TRIM61: variants seen among roughly 807,000 people sequenced by gnomAD.
TRIM61 encodes the protein tripartite motif containing 61.
Under a neutral mutation model 14.2 loss-of-function variants are expected in TRIM61, and 1 was observed. The ratio of observed to expected loss-of-function variants is 0.07; its 90% confidence interval spans 0.03 to 0.33. The LOEUF is 0.33. Ranked by LOEUF, TRIM61 falls within the 10% of genes least tolerant of loss-of-function variation. The pLI, the probability that TRIM61 is intolerant of heterozygous loss-of-function variation, is 0.99. For missense variants in TRIM61, 19 were observed against 202.2 expected, an observed-to-expected ratio of 0.09 and a Z score of 5.49; for synonymous variants, 8 against 71.6, an observed-to-expected ratio of 0.11 and a Z score of 4.49.
chr4:164,962,247 G>T (rs1161110249), intron 3 of TRIM61, among the ~76,000 whole-genome samples: 2 of 143,348 alleles, frequency 1.4e-5, no homozygotes, highest in Admixed American at 7.1e-5. Context: ...TTTTGAGACA[G>T]TGTTGCTCTG....
intron 3 of TRIM61, among the ~76,000 whole-genome samples, chr4:164,965,576 G>A (rs1732222524): frequency 6.6e-6 from 1 of 150,968 alleles, no homozygotes; most frequent in Non-Finnish European, 1.5e-5. Context: ...TGGGACTACA[G>A]GTGCATGCCA....
intron 3 of TRIM61, among the ~76,000 whole-genome samples, chr4:164,961,204 TAAC>T (rs1483307495): frequency 2.2e-4 from 13 of 60,080 alleles, no homozygotes; most frequent in Admixed American, 9.5e-4. Context: ...GAAAGAAAAA[TAAC>T]AATAATTGAT....
intron 3 of TRIM61, chr4:164,958,265 CAT>C (rs1439472587): frequency 6.0e-6 from 1 of 167,056 alleles, no homozygotes; most frequent in Non-Finnish European, 1.5e-5. Flanking sequence ...AATTACACTA[CAT>C]AGAGTGGCAA....
chr4:164,961,981 C>T (rs1029554369), intron 3 of TRIM61, among the ~76,000 whole-genome samples: 2 of 152,138 alleles, frequency 1.3e-5, no homozygotes, highest in Non-Finnish European at 2.9e-5. Context: ...GGCTATAAAC[C>T]TGTACAGCAC....
intron 3 of TRIM61, chr4:164,957,165 C>G (rs1478088551): frequency 3.1e-6 from 5 of 1,611,684 alleles, no homozygotes; most frequent in African/African-American, 2.7e-5. Flanking sequence ...AGACCTTATA[C>G]GCTGACCGGC....
At chr4:164,976,465 TTTAA>T (rs1412131878) in intron 2 of TRIM61, among the ~76,000 whole-genome samples, 2 of 152,182 alleles carry the variant, frequency 1.3e-5, no homozygotes, top group African/African-American at 2.4e-5. Flanking sequence ...TTCTCTACTA[TTTAA>T]AATCAGGACA....
At chr4:164,965,118 T>A (rs1354771854) in intron 3 of TRIM61, among the ~76,000 whole-genome samples, 1 of 152,010 alleles carries the variant, frequency 6.6e-6, no homozygotes, top group African/African-American at 2.4e-5. Flanking sequence ...TGAAACCCCG[T>A]CTCTACTAAA....
Position 164,969,811 on chromosome 4 carries a change from T to C in TRIM61, c.192A>G (p.Lys64=), listed in dbSNP as rs1732322125. The C allele has an allele frequency of 1.2e-6, 2 of 1,613,886 alleles. No individual in the cohort carries two copies. The highest frequency in any genetic ancestry group is 2.7e-5 in the African/African-American group (2 of 74,948). Residue 64 remains lysine (K), a synonymous_variant, in exon 3 of 5, where the codon AAA becomes AAG. Coordinates refer to ENST00000329314, the MANE Select transcript of TRIM61 (RefSeq NM_001012414.3). ...TACCCAGCTGGGGATTGCTTATAAA[T>C]TTCCTTTCTGGACAGCAAAAGTGGC...
chr4:164,962,627 G>T (rs1435605431), intron 3 of TRIM61, among the ~76,000 whole-genome samples: 2 of 148,710 alleles, frequency 1.3e-5, no homozygotes, highest in South Asian at 2.1e-4. Context: ...AATCAATGTC[G>T]AAATGCTTAG....
intron 3 of TRIM61, chr4:164,957,041 C>A: frequency 6.7e-7 from 1 of 1,498,812 alleles, no homozygotes; most frequent in Non-Finnish European, 8.9e-7. Flanking sequence ...ATGCGCGGTG[C>A]GGCGGGGCAG....
chr4:164,955,535 G>A (rs1731964623), intron 3 of TRIM61, among the ~76,000 whole-genome samples: 1 of 132,648 alleles, frequency 7.5e-6, no homozygotes, highest in Admixed American at 8.9e-5. Context: ...TGCCACTGCA[G>A]TCCAGCCTGG....
At chr4:164,957,327 G>A in intron 3 of TRIM61, 1 of 1,614,106 alleles carries the variant, frequency 6.2e-7, no homozygotes, top group African/African-American at 1.3e-5. Context: ...TTTAGTGGCA[G>A]CATTCCGGCT....
chr4:164,968,674 A>G, intron 3 of TRIM61: 1 of 985,476 alleles, frequency 1.0e-6, no homozygotes, highest in African/African-American at 1.7e-5. Flanking sequence ...CTGTAAAATT[A>G]TCATTAAAAG....
chr4:164,957,525 A>G (rs1732039755), intron 3 of TRIM61: 2 of 1,573,692 alleles, frequency 1.3e-6, no homozygotes, highest in Non-Finnish European at 1.7e-6. Context: ...AGAAGCTCAC[A>G]GGGGACATCT....
At chr4:164,956,864 C>G in intron 3 of TRIM61, 1 of 711,816 alleles carries the variant, frequency 1.4e-6, no homozygotes, top group South Asian at 1.9e-5. Context: ...AGCACTGCAG[C>G]GTTTCTCCCA....
chr4:164,957,318 T>A (rs1288456995), intron 3 of TRIM61: 3 of 1,613,998 alleles, frequency 1.9e-6, no homozygotes, highest in Non-Finnish European at 2.5e-6. Context: ...GAGAGGAATT[T>A]TAGTGGCAGC....
intron 3 of TRIM61, 37 bp downstream of exon 3, chr4:164,968,244 A>C (rs1470047706): frequency 2.0e-6 from 2 of 980,290 alleles, no homozygotes; most frequent in Non-Finnish European, 2.4e-6. Flanking sequence ...CCTTTAATAA[A>C]GACTTAATCT....
chr4:164,967,640 C>T (rs1178036623), intron 3 of TRIM61, among the ~76,000 whole-genome samples: 1 of 151,962 alleles, frequency 6.6e-6, no homozygotes, highest in Admixed American at 6.6e-5. Flanking sequence ...TAAGGCAATA[C>T]TAACAAAGGC....
chr4:164,972,206 A>G (rs1485283897), intron 2 of TRIM61, among the ~76,000 whole-genome samples: 1 of 152,196 alleles, frequency 6.6e-6, no homozygotes, highest in Non-Finnish European at 1.5e-5. Context: ...TGGCTCAGCT[A>G]TTGACTGTGT....
Sources: allele counts gnomAD v4.1 joint callset (sites outside exome capture counted in the v4.1 genomes callset), GRCh38; gene constraint gnomAD v4.1.1; transcripts MANE v1.5; gene names NCBI Gene and HGNC (gene_info 2026-07-23, HGNC 2026-07-21).